TTC28: variants seen among roughly 807,000 people sequenced by gnomAD.
TTC28 encodes tetratricopeptide repeat protein 28.
A neutral mutation model predicts 198.0 loss-of-function variants in TTC28; 61 were observed. The observed-to-expected ratio is 0.31, with a 90% CI of 0.25 to 0.38. TTC28 has a LOEUF of 0.38. Ranked by LOEUF, TTC28 falls within the 10% of genes least tolerant of loss-of-function variation. TTC28 has a pLI of 1.00. For synonymous variants in TTC28, 1,171 were observed against 1,297.8 expected, an observed-to-expected ratio of 0.90 and a Z score of 2.10; for missense variants, 2,678 against 3,164.0, an observed-to-expected ratio of 0.85 and a Z score of 3.69.
intron 2 of TTC28, among the ~76,000 whole-genome samples, chr22:28,546,503 T>C (rs958904268): frequency 7.2e-5 from 11 of 152,130 alleles, no homozygotes; most frequent in Admixed American, 6.5e-5. Flanking sequence ...GGAGAAGATA[T>C]CAAGTAACTG....
At chr22:28,555,043 CATAA>C (rs1376720367) in intron 2 of TTC28, among the ~76,000 whole-genome samples, 1 of 152,100 alleles carries the variant, frequency 6.6e-6, no homozygotes, top group African/African-American at 2.4e-5. Context: ...GAGCTGAAGA[CATAA>C]ATAGACAATT....
chr22:28,202,550 A>G (rs1047331201), intron 5 of TTC28, among the ~76,000 whole-genome samples: 2 of 152,012 alleles, frequency 1.3e-5, no homozygotes, highest in Admixed American at 6.5e-5. Context: ...AAAAAAAAAA[A>G]AGAGAAACAA....
At chr22:27,990,863 T>A in intron 19 of TTC28, 51 bp from the exon 20 acceptor site, 3 of 1,504,108 alleles carry the variant, frequency 2.0e-6, no homozygotes, top group Non-Finnish European at 2.7e-6. Context: ...AAGAAGAGAG[T>A]TTAGACTCAA....
chr22:28,620,170 T>A (rs1358635114), intron 2 of TTC28, among the ~76,000 whole-genome samples: 1 of 151,908 alleles, frequency 6.6e-6, no homozygotes, highest in African/African-American at 2.4e-5. Context: ...ACCAACATGG[T>A]GAAACCCTGT....
At chr22:28,190,569 C>T (rs1350059233) in intron 5 of TTC28, among the ~76,000 whole-genome samples, 1 of 152,164 alleles carries the variant, frequency 6.6e-6, no homozygotes, top group Admixed American at 6.5e-5. Flanking sequence ...ATTTGGTTTA[C>T]ACAGTATGTT....
At chr22:28,098,408 C>A (rs1282304021) in intron 10 of TTC28, among the ~76,000 whole-genome samples, 4 of 152,144 alleles carry the variant, frequency 2.6e-5, no homozygotes, top group Non-Finnish European at 1.5e-5. Flanking sequence ...CCCGGACCCA[C>A]CAGACAAGAG....
chr22:28,528,754 A>G (rs2049064803), intron 2 of TTC28, among the ~76,000 whole-genome samples: 1 of 151,486 alleles, frequency 6.6e-6, no homozygotes, highest in South Asian at 2.1e-4. Context: ...AAAAAAAAAA[A>G]AAGGAAAAGA....
intron 2 of TTC28, among the ~76,000 whole-genome samples, chr22:28,486,096 G>A (rs2048311701): frequency 6.6e-6 from 1 of 151,964 alleles, no homozygotes; most frequent in Admixed American, 6.6e-5. Context: ...TTTAAAAAGG[G>A]CATTGGTACC....
rs1396543351 is a variant in TTC28 at position 28,254,836 on chromosome 22, A to AT, written c.933+41361dup. ...GCAAAGAATCAGAACTGATATTCCC[A>AT]TATAAAGCAAGGACCCTGGAAAGGC... On this transcript the variant is annotated intron_variant, in intron 5 of 22. Transcript: ENST00000397906. Among the ~76,000 whole-genome samples the AT allele has an allele frequency of 3.3e-5, 5 of 152,204 alleles. No homozygotes were observed. The South Asian group carries it at 1.0e-3, about 32-fold the overall frequency.
At chr22:28,415,553 T>G (rs1339428822) in intron 2 of TTC28, among the ~76,000 whole-genome samples, 1 of 152,234 alleles carries the variant, frequency 6.6e-6, no homozygotes, top group African/African-American at 2.4e-5. Context: ...GATAGAATAA[T>G]GTACTGCTTG....
At chr22:28,148,505 C>T (rs1342292038) in intron 6 of TTC28, among the ~76,000 whole-genome samples, 1 of 151,222 alleles carries the variant, frequency 6.6e-6, no homozygotes, top group Non-Finnish European at 1.5e-5. Flanking sequence ...CCCACCTACT[C>T]GGGAGGCTGA....
At chr22:28,200,224 G>C (rs969337228) in intron 5 of TTC28, among the ~76,000 whole-genome samples, 1 of 151,962 alleles carries the variant, frequency 6.6e-6, no homozygotes. Flanking sequence ...TAAGTAGCTG[G>C]GACTACAGAT....
intron 1 of TTC28, among the ~76,000 whole-genome samples, chr22:28,652,662 T>G (rs956417086): frequency 1.3e-5 from 2 of 152,212 alleles, no homozygotes; most frequent in Non-Finnish European, 2.9e-5. Flanking sequence ...CTGTTTTTAT[T>G]GCAAAGCTTT....
intron 2 of TTC28, among the ~76,000 whole-genome samples, chr22:28,541,400 G>A (rs1213558047): frequency 6.6e-6 from 1 of 152,276 alleles, no homozygotes; most frequent in Middle Eastern, 3.4e-3. Context: ...GACTAAAGCA[G>A]TTCAAGGTGG....
intron 9 of TTC28, 26 bp downstream of exon 9, chr22:28,101,145 C>G: frequency 6.6e-7 from 1 of 1,512,736 alleles, no homozygotes; most frequent in Non-Finnish European, 8.9e-7. Flanking sequence ...AACAAAAAAT[C>G]CACTTCAGTC....
chr22:28,392,328 T>C lies in TTC28; in HGVS notation c.382-85685A>G, dbSNP rs1213826012. On this transcript the variant is annotated intron_variant, in intron 2 of 22. Coordinates refer to ENST00000397906, the MANE Select transcript of TTC28 (RefSeq NM_001145418.2). The stretch of plus-strand genomic sequence containing the variant: ...GTGCCCTGCCCCCAGAGGTGGAGCC[T>C]ACAGAGGCAGGCAGGCCTCCTTGAG... Among the ~76,000 whole-genome samples, 11 of 152,308 alleles carry C rather than the reference T, an allele frequency of 7.2e-5. No individual in the cohort carries two copies. The East Asian group carries it at 2.1e-3, about 29-fold the overall frequency.
intron 2 of TTC28, among the ~76,000 whole-genome samples, chr22:28,528,486 T>G (rs1266227075): frequency 2.6e-5 from 4 of 151,572 alleles, no homozygotes; most frequent in African/African-American, 9.7e-5. Context: ...TCCCAGAACT[T>G]TGGGAGGCCA....
chr22:28,384,457 A>G (rs1261732389), intron 2 of TTC28, among the ~76,000 whole-genome samples: 1 of 152,114 alleles, frequency 6.6e-6, no homozygotes, highest in Non-Finnish European at 1.5e-5. Flanking sequence ...ATCATCTTCC[A>G]TACAGTATGT....
intron 5 of TTC28, among the ~76,000 whole-genome samples, chr22:28,231,559 CA>C (rs1457709331): frequency 1.3e-5 from 2 of 152,156 alleles, no homozygotes; most frequent in African/African-American, 4.8e-5. Context: ...TAGATCACAG[CA>C]GGGAACTGCT....
Sources: allele counts gnomAD v4.1 joint callset (sites outside exome capture counted in the v4.1 genomes callset), GRCh38; gene constraint gnomAD v4.1.1; transcripts MANE v1.5; gene names NCBI Gene and HGNC (gene_info 2026-07-23, HGNC 2026-07-21).